The following MEGF10 variants were observed in gnomAD, a reference collection of about 807,000 sequenced individuals.
MEGF10 encodes the protein multiple EGF like domains 10, also known as multiple epidermal growth factor-like domains protein 10.
MEGF10 carries 86 observed loss-of-function variants against 147.5 expected under a neutral mutation model. The ratio of observed to expected loss-of-function variants is 0.58; its 90% CI spans 0.49 to 0.70. The LOEUF (loss-of-function observed/expected upper bound fraction) is 0.70. Among genes scored for constraint, MEGF10 ranks in the 30% least tolerant of loss-of-function variants. The pLI, the probability that MEGF10 is intolerant of heterozygous loss-of-function variation, is 0.00. For missense variants in MEGF10, 1,329 were observed against 1,487.3 expected (o/e 0.89, Z 1.75); for synonymous variants, 478 against 525.5 (o/e 0.91, Z 1.24).
the MEGF10 span, among the ~76,000 whole-genome samples, chr5:127,256,202 T>C: frequency 6.6e-6 from 1 of 152,202 alleles, no homozygotes; most frequent in African/African-American, 2.4e-5. Flanking sequence ...ACAAGCTGTG[T>C]TTTTAAATGT....
At chr5:127,432,520 A>G (rs1347880253) in intron 13 of MEGF10, among the ~76,000 whole-genome samples, 1 of 152,222 alleles carries the variant, frequency 6.6e-6, no homozygotes, top group Non-Finnish European at 1.5e-5. Context: ...TTCAATGTGA[A>G]GAACATTTCT....
At chr5:127,260,353 T>G in the MEGF10 span, among the ~76,000 whole-genome samples, 1 of 152,144 alleles carries the variant, frequency 6.6e-6, no homozygotes, top group African/African-American at 2.4e-5. Context: ...GTCTTGGTTG[T>G]TTGATAGGTG....
At chr5:127,313,424 G>T (rs1440007786) in intron 1 of MEGF10, among the ~76,000 whole-genome samples, 7 of 152,096 alleles carry the variant, frequency 4.6e-5, no homozygotes, top group Admixed American at 4.6e-4. Flanking sequence ...GAAGAATCAA[G>T]ATTTAATTAT....
chr5:127,400,422 T>C (rs1580818101), intron 7 of MEGF10, among the ~76,000 whole-genome samples: 1 of 152,350 alleles, frequency 6.6e-6, no homozygotes, highest in East Asian at 1.9e-4. Flanking sequence ...AGGCTACTCC[T>C]TCTCTACCTT....
chr5:127,262,396 C>A, the MEGF10 span, among the ~76,000 whole-genome samples: 26 of 152,250 alleles, frequency 1.7e-4, 1 homozygote, highest in South Asian at 5.2e-3. Flanking sequence ...AAGTCTGGAA[C>A]TAAAATTAGG....
intron 8 of MEGF10, among the ~76,000 whole-genome samples, chr5:127,405,507 T>C (rs1220707040): frequency 3.4e-4 from 51 of 152,194 alleles, no homozygotes; most frequent in Non-Finnish European, 1.5e-5. Context: ...TTAATGTTGT[T>C]TTTAGCAAAC....
chr5:127,439,119 G>A lies in MEGF10; in HGVS notation c.2233+552G>A, dbSNP rs73783796. The stretch of plus-strand genomic sequence containing the variant: ...TATCAACTGGTAGTAATGCCAGGCT[G>A]GGACCATGCTTTGAGAGCCACTGCC... On this transcript the variant is annotated intron_variant, in intron 17 of 24. Transcript: ENST00000503335. Among the ~76,000 whole-genome samples the A allele has an allele frequency of 5.2e-3, 794 of 152,294 alleles. 9 individuals are homozygous for A. The highest frequency in any genetic ancestry group is 0.018 in the African/African-American group (758 of 41,564).
At chr5:127,316,031 G>A (rs1461396716) in intron 1 of MEGF10, among the ~76,000 whole-genome samples, 4 of 152,292 alleles carry the variant, frequency 2.6e-5, no homozygotes, top group African/African-American at 7.2e-5. Context: ...CCCTGTACCA[G>A]GCCCACAGGC....
At chr5:127,426,708 G>C (rs532747358) in intron 13 of MEGF10, among the ~76,000 whole-genome samples, 1 of 152,168 alleles carries the variant, frequency 6.6e-6, no homozygotes, top group African/African-American at 2.4e-5. Flanking sequence ...CAGAGTAGTG[G>C]AGTGATATAC....
chr5:127,290,265 T>C (rs543323833), upstream of MEGF10, among the ~76,000 whole-genome samples: 57 of 151,916 alleles, frequency 3.8e-4, no homozygotes, highest in African/African-American at 1.4e-3. Flanking sequence ...CACCTTTCCA[T>C]GTACTTTGCT....
the MEGF10 span, among the ~76,000 whole-genome samples, chr5:127,257,172 A>G: frequency 2.0e-5 from 3 of 152,196 alleles, no homozygotes; most frequent in Admixed American, 2.0e-4. Context: ...TTATAGATGA[A>G]AAGTCTGTCT....
chr5:127,247,438 A>C, the MEGF10 span, among the ~76,000 whole-genome samples: 1 of 110,138 alleles, frequency 9.1e-6, no homozygotes, highest in South Asian at 2.8e-4. Flanking sequence ...GAAGAAGAAG[A>C]AGAAGAAGAA....
At chr5:127,279,360 G>A in the MEGF10 span, among the ~76,000 whole-genome samples, 1 of 152,086 alleles carries the variant, frequency 6.6e-6, no homozygotes, top group Non-Finnish European at 1.5e-5. Context: ...ACAAAGTCTA[G>A]GTTGTGGCAA....
At chr5:127,349,710 A>G (rs923172997) in intron 4 of MEGF10, among the ~76,000 whole-genome samples, 3 of 151,110 alleles carry the variant, frequency 2.0e-5, no homozygotes, top group African/African-American at 7.3e-5. Context: ...TTTAGGCTAC[A>G]CAATATTTTT....
chr5:127,385,145 A>G (rs1199948107), intron 5 of MEGF10, among the ~76,000 whole-genome samples: 4 of 152,208 alleles, frequency 2.6e-5, no homozygotes, highest in Non-Finnish European at 4.4e-5. Context: ...TTTAGACTAT[A>G]AAGTATTAAA....
At chr5:127,246,618 T>C in the MEGF10 span, among the ~76,000 whole-genome samples, 3 of 150,270 alleles carry the variant, frequency 2.0e-5, no homozygotes, top group Non-Finnish European at 1.5e-5. Flanking sequence ...AAAAAAATGG[T>C]GAGCAATGAA....
At chr5:127,384,542 G>C (rs1763364158) in intron 5 of MEGF10, among the ~76,000 whole-genome samples, 1 of 152,154 alleles carries the variant, frequency 6.6e-6, no homozygotes, top group African/African-American at 2.4e-5. Flanking sequence ...TTGCACTTCA[G>C]CACAATAGAG....
chr5:127,230,223 C>A, the MEGF10 span, among the ~76,000 whole-genome samples: 4 of 152,080 alleles, frequency 2.6e-5, no homozygotes, highest in African/African-American at 4.8e-5. Flanking sequence ...ATTTTCTTCT[C>A]AGGACTGGTT....
chr5:127,349,805 C>T (rs532164608), intron 4 of MEGF10, among the ~76,000 whole-genome samples: 9 of 151,976 alleles, frequency 5.9e-5, no homozygotes, highest in Admixed American at 4.6e-4. Context: ...TTCTAGATGG[C>T]GTACCCAGTA....
Sources: allele counts gnomAD v4.1 joint callset (sites outside exome capture counted in the v4.1 genomes callset), GRCh38; gene constraint gnomAD v4.1.1; transcripts MANE v1.5; gene names NCBI Gene and HGNC (gene_info 2026-07-23, HGNC 2026-07-21).